ZNF438: variants seen among roughly 807,000 people sequenced by gnomAD.
ZNF438 encodes the protein zinc finger protein 438.
A neutral mutation model predicts 38.0 loss-of-function variants in ZNF438; 25 were observed. The observed-to-expected ratio is 0.66, with a 90% CI of 0.48 to 0.92. The LOEUF is 0.92. Among genes scored for constraint, ZNF438 ranks in the 40% least tolerant of loss-of-function variants. The probability of loss-of-function intolerance (pLI) is 0.00; values close to 1 mark genes in which losing one functional copy is unlikely to be tolerated. For synonymous variants in ZNF438, 372 were observed against 364.1 expected, an observed-to-expected ratio of 1.02 and a Z score of -0.25; for missense variants, 1,007 against 999.6, an observed-to-expected ratio of 1.01 and a Z score of -0.10.
intron 3 of ZNF438, among the ~76,000 whole-genome samples, chr10:30,887,217 G>A (rs2040065014): frequency 6.6e-6 from 1 of 152,180 alleles, no homozygotes; most frequent in East Asian, 1.9e-4. Flanking sequence ...ATGTTAAACA[G>A]CTTTTCATAT....
At chr10:31,028,449 TATA>T (rs1384609323) in intron 1 of ZNF438, among the ~76,000 whole-genome samples, 2 of 152,164 alleles carry the variant, frequency 1.3e-5, no homozygotes, top group African/African-American at 4.8e-5. Context: ...CTAATGCAAA[TATA>T]GTAAAATATG....
chr10:30,946,725 T>C (rs1732050194), intron 1 of ZNF438, among the ~76,000 whole-genome samples: 1 of 152,216 alleles, frequency 6.6e-6, no homozygotes, highest in African/African-American at 2.4e-5. Context: ...AATGTAATTA[T>C]TTATATGGTT....
exon 5 of ZNF438, chr10:30,849,817 A>G (rs765668081): frequency 6.2e-7 from 1 of 1,614,102 alleles, no homozygotes; most frequent in East Asian, 2.2e-5. Context: ...GGTCACTTCC[A>G]TTGGTCAGCG....
At chr10:30,873,730 G>C (rs2037864124) in intron 4 of ZNF438, among the ~76,000 whole-genome samples, 1 of 152,116 alleles carries the variant, frequency 6.6e-6, no homozygotes, top group Non-Finnish European at 1.5e-5. Context: ...TTTACCTTTG[G>C]ATTCTTCATA....
chr10:30,849,638 C>A, exon 5 of ZNF438: 1 of 1,614,168 alleles, frequency 6.2e-7, no homozygotes, highest in Non-Finnish European at 8.5e-7. Flanking sequence ...AAATTTTTCA[C>A]TGGCAACAGC....
chr10:30,921,686 T>C (rs934404159), intron 2 of ZNF438, among the ~76,000 whole-genome samples: 6 of 152,160 alleles, frequency 3.9e-5, no homozygotes, highest in Non-Finnish European at 7.4e-5. Context: ...TCTATGATTA[T>C]GCGTATGATG....
In ZNF438 at chr10:30,962,004, A is replaced by G. The variant is rs1166043999; in HGVS notation, c.-191-20353T>C. Among the ~76,000 whole-genome samples, 6 of 147,032 alleles carry G rather than the reference A, an allele frequency of 4.1e-5. 1 individual carries two copies. In the Admixed American group the frequency reaches 4.1e-4, roughly 10 times the overall value. On this transcript the variant is annotated intron_variant, in intron 1 of 5. Transcript: ENST00000413025. Reference sequence around the variant, plus strand: ...AGCTTGAAATAAGAAATTCTGTTGTAAAGTACTGGTTCTCTCCATCAGTTT... The same window carrying G: ...AGCTTGAAATAAGAAATTCTGTTGTGAAGTACTGGTTCTCTCCATCAGTTT...
chr10:30,901,506 G>A (rs377532062), intron 3 of ZNF438, among the ~76,000 whole-genome samples: 5 of 152,102 alleles, frequency 3.3e-5, no homozygotes, highest in Admixed American at 1.3e-4. Context: ...TAGTCCGGGG[G>A]CCATGCTAGT....
At chr10:30,931,642 T>C (rs560170670) in intron 2 of ZNF438, among the ~76,000 whole-genome samples, 1 of 152,346 alleles carries the variant, frequency 6.6e-6, no homozygotes, top group Admixed American at 6.5e-5. Flanking sequence ...AGCAGTATCT[T>C]TGAGAATGAA....
intron 1 of ZNF438, among the ~76,000 whole-genome samples, chr10:30,976,993 G>C (rs1218940154): frequency 6.6e-6 from 1 of 152,008 alleles, no homozygotes; most frequent in Non-Finnish European, 1.5e-5. Context: ...TCTTTAAAAA[G>C]GTCTGTGTAA....
intron 1 of ZNF438, among the ~76,000 whole-genome samples, chr10:31,014,178 C>CA (rs2055982576): frequency 2.0e-5 from 3 of 151,978 alleles, no homozygotes; most frequent in Non-Finnish European, 4.4e-5. Context: ...TGAAAAAAAA[C>CA]AAAAAACCTC....
chr10:30,939,220 T>G (rs551969819), intron 2 of ZNF438, among the ~76,000 whole-genome samples: 1 of 152,368 alleles, frequency 6.6e-6, no homozygotes, highest in East Asian at 1.9e-4. Flanking sequence ...CTCTGAAATT[T>G]ATGAAGTGTT....
intron 4 of ZNF438, among the ~76,000 whole-genome samples, chr10:30,853,175 G>C (rs1304869948): frequency 6.6e-6 from 1 of 151,876 alleles, no homozygotes; most frequent in Non-Finnish European, 1.5e-5. Context: ...GAAAATATTG[G>C]GTCATTTATC....
In ZNF438 at chr10:31,030,551, A is replaced by G. The variant is rs1214220823; in HGVS notation, c.-192+1282T>C. Among the ~76,000 whole-genome samples, 3 of 152,236 alleles carry G rather than the reference A, an allele frequency of 2.0e-5. No homozygotes were observed. In the East Asian group the frequency reaches 5.8e-4, roughly 29 times the overall value. ...TAAACCATCGGCTCTCATTTTAGAT[A>G]AGAAAAACAAAGTTCCAAGTTTGCG... On this transcript the variant is annotated intron_variant, in intron 1 of 5. Transcript: ENST00000413025.
chr10:30,979,664 G>C (rs540132027), intron 1 of ZNF438, among the ~76,000 whole-genome samples: 1 of 152,314 alleles, frequency 6.6e-6, no homozygotes, highest in South Asian at 2.1e-4. Context: ...CCAGAGCTGA[G>C]TTCAAGTCCT....
intron 2 of ZNF438, among the ~76,000 whole-genome samples, chr10:30,937,597 C>G (rs2046388325): frequency 6.6e-6 from 1 of 152,154 alleles, no homozygotes; most frequent in Non-Finnish European, 1.5e-5. Flanking sequence ...GCTGAAATTA[C>G]TATTTAAGTT....
At chr10:30,932,467 T>C (rs1180774769) in intron 2 of ZNF438, among the ~76,000 whole-genome samples, 4 of 152,192 alleles carry the variant, frequency 2.6e-5, no homozygotes, top group African/African-American at 9.7e-5. Context: ...TGTTAACTTA[T>C]TTTGTCCTTA....
At chr10:30,890,000 C>CA (rs1165755837) in intron 3 of ZNF438, among the ~76,000 whole-genome samples, 4 of 139,466 alleles carry the variant, frequency 2.9e-5, no homozygotes. Context: ...AAAAATTACT[C>CA]AAAAAACAGC....
chr10:30,993,991 CT>C (rs1452260129), intron 1 of ZNF438, among the ~76,000 whole-genome samples: 1 of 152,216 alleles, frequency 6.6e-6, no homozygotes, highest in East Asian at 1.9e-4. Context: ...TAATTTTTTC[CT>C]GTTCCTCCCT....
Sources: allele counts gnomAD v4.1 joint callset (sites outside exome capture counted in the v4.1 genomes callset), GRCh38; gene constraint gnomAD v4.1.1; transcripts MANE v1.5; gene names NCBI Gene and HGNC (gene_info 2026-07-23, HGNC 2026-07-21).